Variants in PI4KA observed in about 807,000 individuals in gnomAD.
PI4KA encodes the protein phosphatidylinositol 4-kinase alpha.
PI4KA carries 122 observed loss-of-function variants against 271.4 expected under a neutral mutation model. The observed-to-expected ratio is 0.45, with a 90% CI of 0.39 to 0.52. PI4KA has a LOEUF of 0.52. Ranked by LOEUF, PI4KA falls within the 20% of genes least tolerant of loss-of-function variation. The pLI is 0.00. For missense variants in PI4KA, 1,969 were observed against 2,769.1 expected (o/e 0.71, Z 6.48); for synonymous variants, 1,041 against 1,078.8 (o/e 0.96, Z 0.69).
At chr22:20,746,071 T>C (rs1209606066) in intron 29 of PI4KA, among the ~76,000 whole-genome samples, 1 of 142,708 alleles carries the variant, frequency 7.0e-6, no homozygotes, top group Non-Finnish European at 1.5e-5. Context: ...ATTTTTTTTT[T>C]TTTTTTTTTG....
Position 20,742,246 on chromosome 22 carries a change from C to T in PI4KA, c.3723G>A (p.Lys1241=). The T allele has an allele frequency of 1.2e-6, 2 of 1,614,156 alleles. No individual in the cohort carries two copies. Among genetic ancestry groups the T allele is most frequent in the Non-Finnish European group, 1.7e-6 (2 of 1,180,004 alleles). ...GTCCTACCGGCACTTCCACTCCATC[C>T]TTGCCAGCCAGCAGCCACTCCCAGC... ...LACWEWLLAG[K]DGVEVPFMRE... Residue 1241 remains lysine (K), a synonymous_variant, in exon 32 of 55, where the codon AAG becomes AAA. Coordinates refer to ENST00000255882, the MANE Select transcript of PI4KA (RefSeq NM_058004.4).
chr22:20,751,513 A>T lies in PI4KA; in HGVS notation c.3070-137T>A. 4.3e-6 allele frequency: 4 copies of T among 940,242 alleles called. No individual in the cohort carries two copies. The South Asian group carries it at 6.0e-5, about 14-fold the overall frequency. 58.2% of individuals were successfully genotyped at this position (940,242 alleles called of 1,614,324 possible). A position where few individuals can be genotyped will look rare whatever the true frequency, so the allele number is the denominator to read the frequency against. ...TTGATGCAACTTATTGCAAAACACC[A>T]GGTGGATTTGGGCCCCCTCACCCCC... On this transcript the variant is annotated intron_variant, in intron 26 of 54. Coordinates refer to ENST00000255882, the MANE Select transcript of PI4KA (RefSeq NM_058004.4).
At chr22:20,723,062 T>G (rs1926932181) in intron 42 of PI4KA, among the ~76,000 whole-genome samples, 1 of 151,544 alleles carries the variant, frequency 6.6e-6, no homozygotes, top group South Asian at 2.1e-4. Context: ...AGAGTCTCGC[T>G]CTGTCTCCCA....
intron 19 of PI4KA, chr22:20,774,155 G>A (rs1469844598): frequency 3.3e-5 from 5 of 152,182 alleles, no homozygotes; most frequent in African/African-American, 1.2e-4. Context: ...GGTAAGTTGG[G>A]TTTCTAATGT....
rs1449000685 is a variant in PI4KA, at chr22:20,833,664, T to G, written c.367+898A>C. 1.2e-3 allele frequency among the ~76,000 whole-genome samples: 173 copies of G among 146,664 alleles called. 8 individuals are homozygous for G. The South Asian group carries it at 0.014, about 12-fold the overall frequency. ...TAGTTTTGGTTTGTTTTTGTTTTTT[T>G]TTTTTTTTTTTTTTGAGACGGAGTC... On this transcript the variant is annotated intron_variant, in intron 3 of 54. Coordinates refer to ENST00000255882, the MANE Select transcript of PI4KA (RefSeq NM_058004.4).
At chr22:20,850,783 A>G (rs1376971186) in intron 1 of PI4KA, among the ~76,000 whole-genome samples, 1 of 152,066 alleles carries the variant, frequency 6.6e-6, no homozygotes, top group African/African-American at 2.4e-5. Context: ...ACTCAAGCCT[A>G]TAATCTCAGC....
rs375975151 is a variant in PI4KA, at chr22:20,830,399, CCTTT to C, written c.367+4159_367+4162del. Among the ~76,000 whole-genome samples the C allele has an allele frequency of 2.5e-3, 382 of 152,232 alleles. 1 individual carries two copies. Among genetic ancestry groups the C allele is most frequent in the African/African-American group, 8.5e-3 (355 of 41,522 alleles). On this transcript the variant is annotated intron_variant, in intron 3 of 54. Transcript: ENST00000255882. ...TCAAGCCTTTTACCATTATGTAATG[CCTTT>C]CTTTGTCTTTTGTGATCTTCGTTGG... is the stretch of plus-strand genomic sequence containing the variant.
intron 19 of PI4KA, among the ~76,000 whole-genome samples, chr22:20,768,129 C>T (rs755902067): frequency 2.6e-5 from 4 of 152,110 alleles, no homozygotes; most frequent in African/African-American, 7.2e-5. Flanking sequence ...CCAGACGGTG[C>T]GGCGGCCAGA....
chr22:20,818,562 AC>A lies in PI4KA; in HGVS notation c.790-14del. ...GTTCAGGGCTGACCTGAAACACACAACCACAGTTACATATCAGAAAAGACCA... is the reference window on the plus strand; with the variant it reads ...GTTCAGGGCTGACCTGAAACACACAACACAGTTACATATCAGAAAAGACCA... On this transcript the variant is annotated splice_polypyrimidine_tract_variant and intron_variant, in intron 6 of 54. Coordinates refer to ENST00000255882, the MANE Select transcript of PI4KA (RefSeq NM_058004.4). 6.5e-7 allele frequency: 1 copy of A among 1,527,446 alleles called. No homozygotes were observed. The highest frequency in any genetic ancestry group is 8.7e-7 in the Non-Finnish European group (1 of 1,147,304). 94.6% of individuals were successfully genotyped at this position (1,527,446 alleles called of 1,614,324 possible).
At chr22:20,760,879 A>G (rs1052088435) in intron 23 of PI4KA, among the ~76,000 whole-genome samples, 1 of 152,184 alleles carries the variant, frequency 6.6e-6, no homozygotes, top group Non-Finnish European at 1.5e-5. Flanking sequence ...GCTCACTGCA[A>G]TCTTGAACTC....
intron 29 of PI4KA, among the ~76,000 whole-genome samples, chr22:20,745,021 G>A (rs1299947991): frequency 1.3e-5 from 2 of 152,104 alleles, no homozygotes; most frequent in Non-Finnish European, 2.9e-5. Flanking sequence ...TGATGGAAAC[G>A]CCATGAAAGC....
In PI4KA at chr22:20,799,745, C is replaced by T. The variant is rs376937988; in HGVS notation, c.1746G>A (p.Thr582=). The change falls in exon 15 of 55, where the codon ACG becomes ACA. Residue 582 remains threonine (T), a synonymous_variant. Transcript: ENST00000255882. ...ACGCCTCCACAATCACTGGGTCCAC[C>T]GTCAATCCAGCCTTCAGGCACCTGA... The part of the protein sequence containing the change: ...NICRCLKAGL[T]VDPVIVEAFL... The T allele has an allele frequency of 2.8e-5, 44 of 1,552,342 alleles. No individual in the cohort carries two copies. Among genetic ancestry groups the T allele is most frequent in the Non-Finnish European group, 3.5e-5 (40 of 1,147,374 alleles).
chr22:20,826,884 C>T (rs1406238719), intron 3 of PI4KA, among the ~76,000 whole-genome samples: 1 of 130,418 alleles, frequency 7.7e-6, no homozygotes, highest in Non-Finnish European at 1.6e-5. Context: ...GTCCTTGGCT[C>T]ACCTTTTAAC....
In PI4KA at chr22:20,742,814, G is replaced by A. The variant is rs754922583; in HGVS notation, c.3457-50C>T. 1.2e-5 allele frequency: 19 copies of A among 1,592,668 alleles called. No homozygotes were observed. In the Admixed American group the frequency reaches 1.3e-4, roughly 11 times the overall value. ...CTAAGCATATAATCCAGGCAATGTGGGTAAGGTTCTGGAAGCCACCAGACC... is the reference window on the plus strand; with the variant it reads ...CTAAGCATATAATCCAGGCAATGTGAGTAAGGTTCTGGAAGCCACCAGACC... On this transcript the variant is annotated intron_variant, in intron 30 of 54. Coordinates refer to ENST00000255882, the MANE Select transcript of PI4KA (RefSeq NM_058004.4).
intron 4 of PI4KA, among the ~76,000 whole-genome samples, chr22:20,822,047 T>A (rs1922766073): frequency 6.6e-6 from 1 of 152,142 alleles, no homozygotes; most frequent in Admixed American, 6.5e-5. Context: ...GGCTGACGTG[T>A]GAGGGTCACT....
intron 1 of PI4KA, among the ~76,000 whole-genome samples, chr22:20,853,142 A>G (rs560366765): frequency 6.6e-6 from 1 of 152,348 alleles, no homozygotes; most frequent in East Asian, 1.9e-4. Flanking sequence ...ACTGAAGAAA[A>G]CAAAGAGAAC....
At chr22:20,856,052 C>T (rs1000135993) in intron 1 of PI4KA, among the ~76,000 whole-genome samples, 6 of 152,132 alleles carry the variant, frequency 3.9e-5, no homozygotes, top group African/African-American at 1.2e-4. Flanking sequence ...GAGACCAAGG[C>T]GGGTGGATTA....
chr22:20,845,141 TTGA>T (rs2147797849), intron 1 of PI4KA, among the ~76,000 whole-genome samples: 1 of 152,260 alleles, frequency 6.6e-6, no homozygotes, highest in East Asian at 1.9e-4. Flanking sequence ...GACTTAGACT[TTGA>T]TAAGAACTCT....
chr22:20,743,000 G>A (rs1929646229), intron 30 of PI4KA: 1 of 541,550 alleles, frequency 1.8e-6, no homozygotes, highest in South Asian at 2.2e-5. Context: ...CACCACTGCA[G>A]ATGTTCCCCA....
Sources: allele counts gnomAD v4.1 joint callset (sites outside exome capture counted in the v4.1 genomes callset), GRCh38; gene constraint gnomAD v4.1.1; transcripts MANE v1.5; gene names NCBI Gene and HGNC (gene_info 2026-07-23, HGNC 2026-07-21).